MAP2: variants seen among roughly 807,000 people sequenced by gnomAD.
MAP2 encodes the protein microtubule associated protein 2.
In MAP2, 14 loss-of-function variants were observed where a neutral mutation model predicts 137.6. The ratio of observed to expected loss-of-function variants is 0.10; its 90% CI spans 0.07 to 0.16. The LOEUF is 0.16. MAP2 is among the 10% of genes least tolerant of loss of function. The pLI, the probability that MAP2 is intolerant of heterozygous loss-of-function variation, is 1.00. For synonymous variants in MAP2, 786 were observed against 782.3 expected (o/e 1.00, Z -0.08); for missense variants, 2,088 against 2,191.5 (o/e 0.95, Z 0.94).
intron 5 of MAP2, among the ~76,000 whole-genome samples, chr2:209,674,024 G>A (rs1031887692): frequency 1.3e-5 from 2 of 151,792 alleles, no homozygotes; most frequent in African/African-American, 4.8e-5. Context: ...GGTAGCCCAG[G>A]ACCTATGCAT....
intron 2 of MAP2, among the ~76,000 whole-genome samples, chr2:209,558,192 C>A (rs547930091): frequency 1.5e-3 from 223 of 146,292 alleles, no homozygotes; most frequent in Non-Finnish European, 2.4e-3. Flanking sequence ...TATTTTATTT[C>A]TTTCTTTATT....
At chr2:209,566,646 G>C (rs781523255) in intron 2 of MAP2, among the ~76,000 whole-genome samples, 1 of 152,092 alleles carries the variant, frequency 6.6e-6, no homozygotes, top group Non-Finnish European at 1.5e-5. Flanking sequence ...TGTACAAATA[G>C]TGCTGAATCA....
At chr2:209,565,639 C>G (rs1439842798) in intron 2 of MAP2, among the ~76,000 whole-genome samples, 2 of 151,876 alleles carry the variant, frequency 1.3e-5, no homozygotes, top group Non-Finnish European at 2.9e-5. Flanking sequence ...AAGTTTTTTT[C>G]TTTTTCTCAC....
At chr2:209,711,717 A>G (rs2065547670) in intron 13 of MAP2, among the ~76,000 whole-genome samples, 1 of 152,160 alleles carries the variant, frequency 6.6e-6, no homozygotes, top group South Asian at 2.1e-4. Context: ...TCATCTTTAT[A>G]TTTATACATA....
chr2:209,686,572 T>G (rs1288770775), intron 7 of MAP2, among the ~76,000 whole-genome samples: 2 of 152,198 alleles, frequency 1.3e-5, no homozygotes, highest in African/African-American at 4.8e-5. Context: ...TAAATAGTGA[T>G]TAGCAAATTT....
chr2:209,537,406 GA>G (rs1394637077), intron 2 of MAP2, among the ~76,000 whole-genome samples: 1 of 151,966 alleles, frequency 6.6e-6, no homozygotes, highest in Non-Finnish European at 1.5e-5. Flanking sequence ...GCATAATTAA[GA>G]AAAAAATTAA....
At chr2:209,476,697 G>T (rs1707326590) in intron 1 of MAP2, among the ~76,000 whole-genome samples, 1 of 152,008 alleles carries the variant, frequency 6.6e-6, no homozygotes, top group Non-Finnish European at 1.5e-5. Flanking sequence ...TGCACATTCA[G>T]GCCTTAATTG....
intron 1 of MAP2, among the ~76,000 whole-genome samples, chr2:209,430,507 A>G (rs1419627379): frequency 2.0e-5 from 3 of 152,140 alleles, no homozygotes; most frequent in African/African-American, 4.8e-5. Flanking sequence ...ATACAATTTA[A>G]TAGGGAAAAC....
intron 1 of MAP2, among the ~76,000 whole-genome samples, chr2:209,441,625 CA>C (rs1559166202): frequency 6.6e-6 from 1 of 151,496 alleles, no homozygotes; most frequent in Non-Finnish European, 1.5e-5. Context: ...ATGCCCAGTG[CA>C]ATCAGAGTAA....
chr2:209,558,684 T>G (rs2071260026), intron 2 of MAP2, among the ~76,000 whole-genome samples: 1 of 150,568 alleles, frequency 6.6e-6, no homozygotes, highest in African/African-American at 2.5e-5. Context: ...AATGTTCTTT[T>G]TCTAATAATA....
chr2:209,719,124 A>G lies in MAP2; in HGVS notation c.5074-6585A>G, dbSNP rs74689547. ...AGAAATGAGGGAAACCCAAAGGAGAAACTTAATCCCCTGCAAGGTTAAAGG... is the reference window on the plus strand; with the variant it reads ...AGAAATGAGGGAAACCCAAAGGAGAGACTTAATCCCCTGCAAGGTTAAAGG... On this transcript the variant is annotated intron_variant, in intron 13 of 15. Transcript: ENST00000682079. 9.7e-3 allele frequency among the ~76,000 whole-genome samples: 1,479 copies of G among 152,354 alleles called. 19 individuals are homozygous for G. The highest frequency in any genetic ancestry group is 0.034 in the African/African-American group (1,411 of 41,574).
intron 2 of MAP2, among the ~76,000 whole-genome samples, chr2:209,544,120 C>G (rs2067553906): frequency 6.6e-6 from 1 of 151,888 alleles, no homozygotes; most frequent in Non-Finnish European, 1.5e-5. Flanking sequence ...GTAGTCCCAT[C>G]TACTTGGGAG....
At chr2:209,567,752 TTAATGA>T (rs1448529069) in intron 2 of MAP2, among the ~76,000 whole-genome samples, 2 of 152,078 alleles carry the variant, frequency 1.3e-5, no homozygotes, top group Non-Finnish European at 1.5e-5. Flanking sequence ...TCTCGCCAAC[TTAATGA>T]TAATGTTGAG....
rs767693312 is a variant in MAP2, at chr2:209,705,695, G to A, written c.4700G>A (p.Ser1567Asn). The A allele has an allele frequency of 1.2e-6, 2 of 1,612,964 alleles. No individual in the cohort carries two copies. Among genetic ancestry groups the A allele is most frequent in the East Asian group, 2.2e-5 (1 of 44,832 alleles). The stretch of plus-strand genomic sequence containing the variant: ...GATGAGAATTCCTTCTCTCTCAACA[G>A]TTCTATCTCTTCTTCAGCACGGCGG... The part of the protein sequence containing the change: ...DRDENSFSLN[S>N]SISSSARRTT... Residue 1567 changes from serine to asparagine, a missense_variant, in exon 12 of 16, where the codon AGT becomes AAT. Physicochemically the swap from Ser to Asn is conservative, Grantham distance 46. Transcript: ENST00000682079.
At chr2:209,666,531 T>C (rs1344623447) in intron 5 of MAP2, among the ~76,000 whole-genome samples, 2 of 152,092 alleles carry the variant, frequency 1.3e-5, no homozygotes, top group African/African-American at 4.8e-5. Context: ...TCTGCCATCC[T>C]GAAGAAAAAT....
chr2:209,579,104 A>C (rs138072575), intron 2 of MAP2, among the ~76,000 whole-genome samples: 1 of 152,298 alleles, frequency 6.6e-6, no homozygotes, highest in African/African-American at 2.4e-5. Context: ...AAATATTGTA[A>C]TTATCTGCCA....
At chr2:209,720,462 C>T (rs995083551) in intron 13 of MAP2, among the ~76,000 whole-genome samples, 2 of 151,886 alleles carry the variant, frequency 1.3e-5, no homozygotes, top group Admixed American at 1.3e-4. Context: ...CACGGTGAAA[C>T]TTCATCTCTA....
intron 4 of MAP2, among the ~76,000 whole-genome samples, chr2:209,633,033 G>C (rs991601161): frequency 6.6e-6 from 1 of 152,078 alleles, no homozygotes; most frequent in African/African-American, 2.4e-5. Flanking sequence ...TTTAGAACAC[G>C]TCAAAGCAGC....
intron 13 of MAP2, among the ~76,000 whole-genome samples, chr2:209,714,867 C>T (rs2066915608): frequency 6.6e-6 from 1 of 152,144 alleles, no homozygotes; most frequent in South Asian, 2.1e-4. Context: ...TAATTAGTCA[C>T]TTATCTGCAA....
Sources: allele counts gnomAD v4.1 joint callset (sites outside exome capture counted in the v4.1 genomes callset), GRCh38; gene constraint gnomAD v4.1.1; transcripts MANE v1.5; gene names NCBI Gene and HGNC (gene_info 2026-07-23, HGNC 2026-07-21).